Variants in SPTA1 observed in about 807,000 individuals in gnomAD.
The protein encoded by SPTA1 is spectrin alpha, erythrocytic 1.
In SPTA1, 177 loss-of-function variants were observed where a neutral mutation model predicts 324.7. The observed-to-expected ratio is 0.55, with a 90% confidence interval of 0.48 to 0.62. The LOEUF (loss-of-function observed/expected upper bound fraction) is 0.62, where lower values mean the gene tolerates loss of function less well. Among genes scored for constraint, SPTA1 ranks in the 20% least tolerant of loss-of-function variants. SPTA1 has a pLI of 0.00. For missense variants in SPTA1, 3,162 were observed against 2,883.6 expected, an observed-to-expected ratio of 1.10 and a Z score of -2.21; for synonymous variants, 1,195 against 1,041.3, an observed-to-expected ratio of 1.15 and a Z score of -2.84.
Position 158,677,396 on chromosome 1 carries a change from T to A in SPTA1, c.957+294A>T, listed in dbSNP as rs374842059. ...TACTCAGTGAGATTAGGAATCAACC[T>A]TGAAGGTATATTTGTTTTGTTTTTA... On this transcript the variant is annotated intron_variant, in intron 7 of 51. Transcript: ENST00000643759. Among the ~76,000 whole-genome samples the A allele has an allele frequency of 8.5e-5, 13 of 152,254 alleles. 1 individual carries two copies. The South Asian group carries it at 2.5e-3, about 29-fold the overall frequency.
chr1:158,650,234 A>G (rs1160113268), intron 24 of SPTA1, among the ~76,000 whole-genome samples: 3 of 152,198 alleles, frequency 2.0e-5, no homozygotes, highest in African/African-American at 7.2e-5. Flanking sequence ...ACTCCAAAAA[A>G]TGAATGGGAA....
At position 158,679,402 on chromosome 1, in the gene SPTA1, G is replaced by C. The variant is rs193161514; in HGVS notation, c.679-868C>G. ...TATGTTTCCTCAAGTCTTGGATCTT[G>C]GATGGTCTTTAACTTGCTTACTGAT... On this transcript the variant is annotated intron_variant, in intron 5 of 51. Coordinates refer to ENST00000643759, the MANE Select transcript of SPTA1 (RefSeq NM_003126.4). Among the ~76,000 whole-genome samples the C allele has an allele frequency of 7.8e-4, 118 of 152,198 alleles. 3 individuals carry two copies. In the East Asian group the frequency reaches 0.021, roughly 27 times the overall value.
At chr1:158,671,497 A>G in intron 11 of SPTA1, 44 bp from the exon 12 acceptor site, 2 of 1,491,648 alleles carry the variant, frequency 1.3e-6, no homozygotes, top group Non-Finnish European at 1.9e-6. Context: ...TCTGACCGGT[A>G]AGAAACATTC....
At chr1:158,636,107 GTATC>G in intron 37 of SPTA1, 73 bp from the exon 38 acceptor site, 1 of 1,612,806 alleles carries the variant, frequency 6.2e-7, no homozygotes, top group Non-Finnish European at 8.5e-7. Flanking sequence ...CCTGAGCAAA[GTATC>G]TAGCCCATCC....
chr1:158,630,617 A>G (rs1650607015), intron 39 of SPTA1, among the ~76,000 whole-genome samples: 1 of 152,064 alleles, frequency 6.6e-6, no homozygotes. Flanking sequence ...AGCACAGGCA[A>G]CAAAAAGAAA....
At chr1:158,641,354 C>T (rs902076008) in intron 33 of SPTA1, among the ~76,000 whole-genome samples, 1 of 152,058 alleles carries the variant, frequency 6.6e-6, no homozygotes, top group East Asian at 1.9e-4. Context: ...AAAGAAACTA[C>T]CATCAGAGTG....
At position 158,644,393 on chromosome 1, in the gene SPTA1, A is replaced by G; in HGVS notation, c.4198T>C (p.Phe1400Leu). 1.2e-6 allele frequency: 2 copies of G among 1,613,774 alleles called. No homozygotes were observed. Among genetic ancestry groups the G allele is most frequent in the Non-Finnish European group, 1.7e-6 (2 of 1,179,818 alleles). The change falls in exon 30 of 52, where the codon TTC becomes CTC. Residue 1400 changes from phenylalanine (F) to leucine (L), a missense_variant. Transcript: ENST00000643759. ...ILDQCLELQM[F>L]QGNCDQVESW... ...TCAACTTGATCACAGTTCCCCTGGA[A>G]CATCTATGAGGAATCAAATGAGAGG...
chr1:158,675,191 C>T (rs1473596781), intron 8 of SPTA1, among the ~76,000 whole-genome samples: 2 of 152,140 alleles, frequency 1.3e-5, no homozygotes, highest in Admixed American at 1.3e-4. Flanking sequence ...ATGACAAGCA[C>T]TGTCCTCTGG....
Position 158,623,069 on chromosome 1 carries a change from C to A in SPTA1, c.6034G>T (p.Ala2012Ser), listed in dbSNP as rs78325016. The change falls in exon 43 of 52, where the codon GCT becomes TCT. Residue 2012 changes from alanine to serine, a missense_variant. Physicochemically the swap from Ala to Ser is moderately conservative, Grantham distance 99. Transcript: ENST00000643759. ...QSKAIEERYA[A>S]LLKRWEQLLE... ...AACTGTTCCCAGCGCTTCAGCAGAG[C>A]GGCATAACGCTCTTCAATGGCTTTA... 6.2e-7 allele frequency: 1 copy of A among 1,614,134 alleles called. No individual in the cohort carries two copies. The highest frequency in any genetic ancestry group is 1.6e-4 in the Middle Eastern group (1 of 6,062).
intron 47 of SPTA1, 36 bp from the exon 48 acceptor site, chr1:158,615,439 C>A: frequency 6.2e-7 from 1 of 1,608,244 alleles, no homozygotes; most frequent in Non-Finnish European, 8.5e-7. Context: ...CAATTAGTTG[C>A]CCAGGTTACC....
Position 158,617,983 on chromosome 1 carries a change from G to T in SPTA1, c.6548+56C>A, listed in dbSNP as rs529868686. Reference sequence around the variant, plus strand: ...GTCTCAGCACTAACTCTTTCTTAACGAATTCTTCCATAATAATATAATAAA... The same window carrying T: ...GTCTCAGCACTAACTCTTTCTTAACTAATTCTTCCATAATAATATAATAAA... On this transcript the variant is annotated intron_variant, in intron 46 of 51. Coordinates refer to ENST00000643759, the MANE Select transcript of SPTA1 (RefSeq NM_003126.4). The T allele has an allele frequency of 1.3e-5, 20 of 1,514,590 alleles. No homozygotes were observed. In the South Asian group the frequency reaches 2.1e-4, roughly 16 times the overall value. The allele number at this position is 1,514,590 out of a possible 1,614,324, so 93.8% of individuals were successfully genotyped here. A position where few individuals can be genotyped will look rare whatever the true frequency, so the allele number is the denominator to read the frequency against.
intron 3 of SPTA1, among the ~76,000 whole-genome samples, chr1:158,681,872 A>C (rs1357226344): frequency 6.6e-6 from 1 of 152,206 alleles, no homozygotes; most frequent in Non-Finnish European, 1.5e-5. Flanking sequence ...TACATAAGAG[A>C]ACAATTTGTA....
chr1:158,635,812 G>T, intron 38 of SPTA1, 101 bp downstream of exon 38: 1 of 1,556,580 alleles, frequency 6.4e-7, no homozygotes, highest in Non-Finnish European at 8.8e-7. Context: ...TAGGTAGTTG[G>T]GGATAGCAGA....
rs777600539 is a variant in SPTA1 at position 158,674,612 on chromosome 1, C to A, written c.1176G>T (p.Ala392=). 7 of 1,614,066 alleles carry A rather than the reference C, an allele frequency of 4.3e-6. No homozygotes were observed. The highest frequency in any genetic ancestry group is 5.9e-6 in the Non-Finnish European group (7 of 1,180,008). ...LSGWMNEKTA[A]INADELPTDV... ...CTGTTGGCAGCTCATCAGCATTGAT[C>A]GCAGCAGTCTTCTCGTTCATCCAGC... is the stretch of plus-strand genomic sequence containing the variant. The change falls in exon 9 of 52, where the codon GCG becomes GCT. Residue 392 remains alanine, a synonymous_variant. Coordinates refer to ENST00000643759, the MANE Select transcript of SPTA1 (RefSeq NM_003126.4).
chr1:158,631,311 C>T (rs1316324076), intron 39 of SPTA1, among the ~76,000 whole-genome samples: 1 of 152,070 alleles, frequency 6.6e-6, no homozygotes, highest in Non-Finnish European at 1.5e-5. Flanking sequence ...TTTGCAGCGA[C>T]CTGGATGGAG....
chr1:158,664,834 C>T (rs913167520), intron 16 of SPTA1, among the ~76,000 whole-genome samples: 3 of 152,136 alleles, frequency 2.0e-5, no homozygotes, highest in African/African-American at 4.8e-5. Context: ...TCTTTGAAAA[C>T]CTCTAACGTA....
chr1:158,647,085 A>G (rs1183060333), intron 27 of SPTA1, among the ~76,000 whole-genome samples: 1 of 151,956 alleles, frequency 6.6e-6, no homozygotes, highest in Non-Finnish European at 1.5e-5. Context: ...TTCAGTCTAC[A>G]TGAATTGTTT....
chr1:158,656,623 C>A lies in SPTA1; in HGVS notation c.2839G>T (p.Asp947Tyr). 6.2e-7 allele frequency: 1 copy of A among 1,613,828 alleles called. No individual in the cohort carries two copies. The highest frequency in any genetic ancestry group is 8.5e-7 in the Non-Finnish European group (1 of 1,179,906). ...ATACTGTCTCCAAATGAATTGAGAT[C>A]TAATAGAAAGGCCTCATGCTTCTTT... is the stretch of plus-strand genomic sequence containing the variant. ...LLKKHEAFLL[D>Y]LNSFGDSMKA... Residue 947 changes from aspartate to tyrosine, a missense_variant, in exon 20 of 52, where the codon GAT becomes TAT. Asp to Tyr is a radical substitution (Grantham distance 160, BLOSUM62 -3). Coordinates refer to ENST00000643759, the MANE Select transcript of SPTA1 (RefSeq NM_003126.4).
intron 43 of SPTA1, 36 bp from the exon 44 acceptor site, chr1:158,620,502 T>C: frequency 6.2e-7 from 1 of 1,611,272 alleles, no homozygotes; most frequent in South Asian, 1.1e-5. Context: ...CCATCTTTCC[T>C]GATAAAGCCT....
Sources: allele counts gnomAD v4.1 joint callset (sites outside exome capture counted in the v4.1 genomes callset), GRCh38; gene constraint gnomAD v4.1.1; transcripts MANE v1.5; gene names NCBI Gene and HGNC (gene_info 2026-07-23, HGNC 2026-07-21).